The following SMG9 variants were observed in gnomAD, a reference collection of about 807,000 sequenced individuals.
The protein encoded by SMG9 is SMG9 nonsense mediated mRNA decay factor.
Under a neutral mutation model 64.0 loss-of-function variants are expected in SMG9, and 55 were observed. The ratio of observed to expected loss-of-function variants is 0.86; its 90% CI spans 0.69 to 1.08. The LOEUF (loss-of-function observed/expected upper bound fraction) is 1.08, where lower values mean the gene tolerates loss of function less well. SMG9 is among the 50% of genes least tolerant of loss of function. The pLI is 0.00. For synonymous variants in SMG9, 244 were observed against 254.8 expected, an observed-to-expected ratio of 0.96 and a Z score of 0.41; for missense variants, 554 against 681.3, an observed-to-expected ratio of 0.81 and a Z score of 2.08.
At position 43,732,897 on chromosome 19, in the gene SMG9, CG is replaced by C. The variant is rs773352310; in HGVS notation, c.1444del (p.Arg482GlyfsTer25). ...KLRSQVMSMA[R>X]PQLSHTILTE... ...GAGGATCGTGTGTGACAGCTGTGGC[CG>C]GGCCATGGACATCACTTGGCTCCGG... On this transcript the variant is annotated frameshift_variant, in exon 13 of 14. Coordinates refer to ENST00000270066, the MANE Select transcript of SMG9 (RefSeq NM_019108.4). LOFTEE classifies it high-confidence loss of function. The C allele has an allele frequency of 2.5e-6, 4 of 1,613,882 alleles. No homozygotes were observed. In the South Asian group the frequency reaches 4.4e-5, roughly 18 times the overall value.
intron 8 of SMG9, 90 bp from the exon 9 acceptor site, chr19:43,737,772 A>G: frequency 7.6e-7 from 1 of 1,315,822 alleles, no homozygotes; most frequent in South Asian, 1.3e-5. Context: ...TTCAGGAGGC[A>G]GCAAGGCAAG....
chr19:43,747,054 G>A (rs977595376), intron 5 of SMG9, among the ~76,000 whole-genome samples: 1 of 152,082 alleles, frequency 6.6e-6, no homozygotes, highest in African/African-American at 2.4e-5. Flanking sequence ...CTGGGCTTAG[G>A]TGATTCTCCT....
intron 8 of SMG9, 79 bp from the exon 9 acceptor site, chr19:43,737,761 G>T: frequency 7.0e-7 from 1 of 1,426,958 alleles, no homozygotes; most frequent in Admixed American, 1.9e-5. Context: ...CCAGGACTCA[G>T]TTCAGGAGGC....
intron 2 of SMG9, among the ~76,000 whole-genome samples, chr19:43,749,576 G>C (rs1786873777): frequency 6.6e-6 from 1 of 152,184 alleles, no homozygotes; most frequent in South Asian, 2.1e-4. Flanking sequence ...TAAGAGCCCA[G>C]CTCACTGTGA....
intron 5 of SMG9, 115 bp downstream of exon 5, chr19:43,747,327 T>A: frequency 1.1e-6 from 1 of 929,508 alleles, no homozygotes; most frequent in Non-Finnish European, 1.7e-6. Flanking sequence ...TACCACCCCC[T>A]CTCACTGCTG....
Position 43,734,477 on chromosome 19 carries a change from C to T in SMG9, c.1014G>A (p.Glu338=). 1 of 1,559,060 alleles carries T rather than the reference C, an allele frequency of 6.4e-7. No individual in the cohort carries two copies. The stretch of plus-strand genomic sequence containing the variant: ...GGGATGGGGTGGAGGGCTTCACCAT[C>T]TCTGCTGTCTGCAGGAACCTTGGGG... The part of the protein sequence containing the change: ...LSLYRFLQTA[E]MVKPSTPSPS... Residue 338 remains glutamate (E), a synonymous_variant, in exon 10 of 14, where the codon GAG becomes GAA. Transcript: ENST00000270066.
chr19:43,753,453 CTTTTCT>C (rs1969254151), intron 1 of SMG9, among the ~76,000 whole-genome samples: 1 of 143,862 alleles, frequency 7.0e-6, no homozygotes, highest in African/African-American at 2.6e-5. Flanking sequence ...TGTGTGAATG[CTTTTCT>C]TTTTTTTTTT....
In SMG9 at chr19:43,754,704, A is replaced by T. The variant is rs912258464; in HGVS notation, c.-57T>A. ...GGGGCGCGGTGTGCGCTCTCCCGTG[A>T]CGGGAGTCGGGTGGGGGCGGGGAGG... On this transcript the variant is annotated 5_prime_UTR_variant, in exon 1 of 14. Coordinates refer to ENST00000270066, the MANE Select transcript of SMG9 (RefSeq NM_019108.4). The T allele has an allele frequency of 6.6e-6, 1 of 151,744 alleles. No individual in the cohort carries two copies. 9.4% of individuals were successfully genotyped at this position (151,744 alleles called of 1,614,324 possible). A position where few individuals can be genotyped will look rare whatever the true frequency, so the allele number is the denominator to read the frequency against.
chr19:43,748,165 A>G (rs1969086720), intron 2 of SMG9, 113 bp from the exon 3 acceptor site: 2 of 1,258,222 alleles, frequency 1.6e-6, no homozygotes, highest in Non-Finnish European at 2.2e-6. Flanking sequence ...GATCCTACCA[A>G]CAGCCCTGTG....
At chr19:43,743,583 C>T (rs995984800) in intron 6 of SMG9, among the ~76,000 whole-genome samples, 1 of 152,048 alleles carries the variant, frequency 6.6e-6, no homozygotes, top group African/African-American at 2.4e-5. Flanking sequence ...ATTGCTTGAG[C>T]CCAAGAGTTT....
chr19:43,739,963 A>T, intron 7 of SMG9, 144 bp downstream of exon 7: 1 of 657,354 alleles, frequency 1.5e-6, no homozygotes, highest in Non-Finnish European at 2.7e-6. Flanking sequence ...AAGAAAAGAC[A>T]CAATTTGCCC....
intron 7 of SMG9, chr19:43,739,523 T>A (rs538009913): frequency 2.0e-5 from 3 of 153,380 alleles, no homozygotes; most frequent in African/African-American, 7.2e-5. Context: ...GAGGCGAGGA[T>A]AGGCAGTCTG....
Position 43,730,207 on chromosome 19 carries a change from A to T in SMG9, c.*1389T>A, listed in dbSNP as rs1367993007. ...GGGCAATGGATGAACAGACTCAGCC[A>T]GCTGGACTGGAGCTGACTGCTTTAC... On this transcript the variant is annotated 3_prime_UTR_variant, in exon 14 of 14. Transcript: ENST00000270066. The T allele has an allele frequency of 6.6e-6, 1 of 152,276 alleles. No homozygotes were observed. The highest frequency in any genetic ancestry group is 1.5e-5 in the Non-Finnish European group (1 of 68,064). 9.4% of individuals were successfully genotyped at this position (152,276 alleles called of 1,614,324 possible).
At chr19:43,737,784 A>G in intron 8 of SMG9, 102 bp from the exon 9 acceptor site, 1 of 1,128,934 alleles carries the variant, frequency 8.9e-7, no homozygotes, top group Non-Finnish European at 1.3e-6. Flanking sequence ...CAAGGCAAGG[A>G]GCCTTCAAGC....
In SMG9 at chr19:43,729,104, G is replaced by C. The variant is rs868106593; in HGVS notation, c.*2492C>G. The stretch of plus-strand genomic sequence containing the variant: ...GTACATACTTACCCACTGTTCAGAA[G>C]GCTACTGCCAGTTTGACTCCTCTGT... On this transcript the variant is annotated 3_prime_UTR_variant, in exon 14 of 14. Transcript: ENST00000270066. 4.3e-5 allele frequency: 39 copies of C among 913,116 alleles called. No individual in the cohort carries two copies. In the Middle Eastern group the frequency reaches 2.7e-3, roughly 64 times the overall value. The allele number at this position is 913,116 out of a possible 1,614,324, so 56.6% of individuals were successfully genotyped here. A position where few individuals can be genotyped will look rare whatever the true frequency, so the allele number is the denominator to read the frequency against.
intron 1 of SMG9, among the ~76,000 whole-genome samples, chr19:43,753,612 C>T (rs1231896939): frequency 6.6e-6 from 1 of 151,936 alleles, no homozygotes; most frequent in Non-Finnish European, 1.5e-5. Context: ...AGGTGCATAC[C>T]ACCAGGCCGG....
chr19:43,747,329 T>C, intron 5 of SMG9, 113 bp downstream of exon 5: 1 of 946,340 alleles, frequency 1.1e-6, no homozygotes, highest in Non-Finnish European at 1.6e-6. Context: ...CCACCCCCTC[T>C]CACTGCTGTA....
chr19:43,731,313 A>G lies in SMG9; in HGVS notation c.*283T>C. On this transcript the variant is annotated 3_prime_UTR_variant, in exon 14 of 14. Coordinates refer to ENST00000270066, the MANE Select transcript of SMG9 (RefSeq NM_019108.4). ...AAGATGGAGCCCGGGCTTCCTGGTG[A>G]CCATTCAGACTCCTCCCACTGCTTG... The G allele has an allele frequency of 8.2e-7, 1 of 1,214,486 alleles. No homozygotes were observed. Among genetic ancestry groups the G allele is most frequent in the Non-Finnish European group, 1.0e-6 (1 of 971,606 alleles). 75.2% of individuals were successfully genotyped at this position (1,214,486 alleles called of 1,614,324 possible).
At chr19:43,749,711 G>A (rs1275878642) in intron 2 of SMG9, among the ~76,000 whole-genome samples, 1 of 152,236 alleles carries the variant, frequency 6.6e-6, no homozygotes, top group Non-Finnish European at 1.5e-5. Context: ...CCAGGGGGCA[G>A]GTTCTGGCAG....
Sources: gnomAD v4.1 joint callset for allele counts (sites outside exome capture counted in the v4.1 genomes callset) on GRCh38, gnomAD v4.1.1 for gene constraint, MANE v1.5 for transcripts, NCBI Gene and HGNC (gene_info 2026-07-23, HGNC 2026-07-21) for gene names.